Variants in AKIRIN2 observed in about 807,000 individuals in gnomAD.
The protein encoded by AKIRIN2 is akirin-2.
Under a neutral mutation model 29.3 loss-of-function variants are expected in AKIRIN2, and 6 were observed. The observed-to-expected ratio is 0.20, with a 90% confidence interval of 0.11 to 0.40. The LOEUF (loss-of-function observed/expected upper bound fraction) is 0.40, where lower values mean the gene tolerates loss of function less well. Among genes scored for constraint, AKIRIN2 ranks in the 10% least tolerant of loss-of-function variants. AKIRIN2 has a pLI of 1.00. For missense variants in AKIRIN2, 210 were observed against 276.1 expected (o/e 0.76, Z 1.70); for synonymous variants, 128 against 117.5 (o/e 1.09, Z -0.58).
rs1771465518 is a variant in AKIRIN2 at position 87,701,528 on chromosome 6, CGGA to C, written c.154_156del (p.Ser52del). On this transcript the variant is annotated inframe_deletion, in exon 1 of 5. Coordinates refer to ENST00000257787, the MANE Select transcript of AKIRIN2 (RefSeq NM_018064.4). ...TACTTCTGCGGCGAGGCGGCCGCAGCGGAGAAGGAGGCGGCGGTGGCCGCGGCC... is the reference window on the plus strand; with the variant it reads ...TACTTCTGCGGCGAGGCGGCCGCAGCGAAGGAGGCGGCGGTGGCCGCGGCC... The C allele has an allele frequency of 6.9e-7, 1 of 1,442,726 alleles. No individual in the cohort carries two copies. The highest frequency in any genetic ancestry group is 9.1e-7 in the Non-Finnish European group (1 of 1,098,368). The allele number at this position is 1,442,726 out of a possible 1,614,324, so 89.4% of individuals were successfully genotyped here.
chr6:87,702,012 C>A lies in AKIRIN2; in HGVS notation c.-328G>T. ...GCTCCGGCCGCCCCCGCCGTCCGCTCGAGCTTTGCGCCGCGCCTGAGGCGC... is the reference window on the plus strand; with the variant it reads ...GCTCCGGCCGCCCCCGCCGTCCGCTAGAGCTTTGCGCCGCGCCTGAGGCGC... On this transcript the variant is annotated 5_prime_UTR_variant, in exon 1 of 5. Transcript: ENST00000257787. The A allele has an allele frequency of 2.5e-6, 1 of 404,194 alleles. No individual in the cohort carries two copies. The highest frequency in any genetic ancestry group is 4.4e-6 in the Non-Finnish European group (1 of 229,318). 25.0% of individuals were successfully genotyped at this position (404,194 alleles called of 1,614,324 possible). A position where few individuals can be genotyped will look rare whatever the true frequency, so the allele number is the denominator to read the frequency against.
intron 3 of AKIRIN2, among the ~76,000 whole-genome samples, chr6:87,676,494 C>T: frequency 6.9e-6 from 1 of 145,852 alleles, no homozygotes; most frequent in Non-Finnish European, 1.5e-5. Context: ...CGGTGGCTCA[C>T]AGCTGTAATC....
chr6:87,675,903 C>T lies in AKIRIN2; in HGVS notation c.558G>A (p.Thr186=), dbSNP rs369857489. 217 of 1,613,424 alleles carry T rather than the reference C, an allele frequency of 1.3e-4. 1 individual carries two copies. The highest frequency in any genetic ancestry group is 2.0e-4 in the Admixed American group (12 of 59,898). The change falls in exon 4 of 5, where the codon ACG becomes ACA. Residue 186 remains threonine, a synonymous_variant. Coordinates refer to ENST00000257787, the MANE Select transcript of AKIRIN2 (RefSeq NM_018064.4). Reference sequence around the variant, plus strand: ...CATATCGTCGCATTATTTGATCATGCGTAAACTTCACAAACGCATCATATT... The same window carrying T: ...CATATCGTCGCATTATTTGATCATGTGTAAACTTCACAAACGCATCATATT... ...AEQYDAFVKF[T]HDQIMRRYGE...
At chr6:87,691,648 C>G (rs962013858) in intron 1 of AKIRIN2, among the ~76,000 whole-genome samples, 1 of 151,974 alleles carries the variant, frequency 6.6e-6, no homozygotes, top group Non-Finnish European at 1.5e-5. Flanking sequence ...GTTTAATGCC[C>G]AGGTAAAGAG....
At chr6:87,685,093 C>T (rs1771167615) in intron 1 of AKIRIN2, among the ~76,000 whole-genome samples, 1 of 152,166 alleles carries the variant, frequency 6.6e-6, no homozygotes, top group African/African-American at 2.4e-5. Context: ...TTGCTTTTTA[C>T]ATCTAATATG....
intron 1 of AKIRIN2, among the ~76,000 whole-genome samples, chr6:87,683,748 G>C (rs1224231413): frequency 1.3e-5 from 2 of 152,118 alleles, no homozygotes; most frequent in African/African-American, 4.8e-5. Flanking sequence ...CCATCTCCCA[G>C]GTTCAAGCAA....
chr6:87,676,528 G>C (rs562213758), intron 3 of AKIRIN2, among the ~76,000 whole-genome samples: 1 of 150,228 alleles, frequency 6.7e-6, no homozygotes, highest in African/African-American at 2.5e-5. Context: ...ACGCCGAGGC[G>C]GGCACATCAT....
In AKIRIN2 at chr6:87,702,178, C is replaced by T; in HGVS notation, c.-494G>A. On this transcript the variant is annotated 5_prime_UTR_variant, in exon 1 of 5. Transcript: ENST00000257787. ...TGCAGAGAGATTGCGAGGTAGCTGCCGCAGCAGGAACCCAAGCGAACACGT... is the reference window on the plus strand; with the variant it reads ...TGCAGAGAGATTGCGAGGTAGCTGCTGCAGCAGGAACCCAAGCGAACACGT... 2 of 398,304 alleles carry T rather than the reference C, an allele frequency of 5.0e-6. No homozygotes were observed. Among genetic ancestry groups the T allele is most frequent in the East Asian group, 7.1e-5 (2 of 28,060 alleles). 24.7% of individuals were successfully genotyped at this position (398,304 alleles called of 1,614,324 possible).
chr6:87,682,969 C>A (rs1438221427), intron 1 of AKIRIN2, among the ~76,000 whole-genome samples: 1 of 152,044 alleles, frequency 6.6e-6, no homozygotes, highest in Non-Finnish European at 1.5e-5. Flanking sequence ...TACAATAATT[C>A]TTTTTAAAAT....
At chr6:87,688,807 A>C (rs1171682279) in intron 1 of AKIRIN2, among the ~76,000 whole-genome samples, 1 of 152,170 alleles carries the variant, frequency 6.6e-6, no homozygotes, top group Non-Finnish European at 1.5e-5. Context: ...ACTGCCCCAA[A>C]TCCAAAACCC....
chr6:87,700,771 A>C (rs1410261835), intron 1 of AKIRIN2: 1 of 154,662 alleles, frequency 6.5e-6, no homozygotes. Flanking sequence ...AAAGTTCAAC[A>C]TTTCTCAAGG....
At chr6:87,686,017 C>G (rs1315929429) in intron 1 of AKIRIN2, among the ~76,000 whole-genome samples, 1 of 151,990 alleles carries the variant, frequency 6.6e-6, no homozygotes, top group East Asian at 1.9e-4. Context: ...GAGTTTGAGA[C>G]CAGCCAGGCC....
rs193183154 is a variant in AKIRIN2, at chr6:87,702,209, C to G, written c.-525G>C. The G allele has an allele frequency of 5.0e-6, 2 of 397,702 alleles. No homozygotes were observed. The highest frequency in any genetic ancestry group is 2.7e-4 in the South Asian group (2 of 7,394). The allele number at this position is 397,702 out of a possible 1,614,324, so 24.6% of individuals were successfully genotyped here. ...AGGAACCCAAGCGAACACGTCCAAC[C>G]GCTTCCCCTCCCTCGTAGAACTCTC... On this transcript the variant is annotated 5_prime_UTR_variant, in exon 1 of 5. Coordinates refer to ENST00000257787, the MANE Select transcript of AKIRIN2 (RefSeq NM_018064.4).
intron 1 of AKIRIN2, among the ~76,000 whole-genome samples, chr6:87,683,701 T>A (rs1771149114): frequency 6.6e-6 from 1 of 152,328 alleles, no homozygotes; most frequent in South Asian, 2.1e-4. Flanking sequence ...TCACCCAGAC[T>A]GGAGTGCAGT....
chr6:87,694,770 T>C (rs1771331702), intron 1 of AKIRIN2, among the ~76,000 whole-genome samples: 1 of 152,226 alleles, frequency 6.6e-6, no homozygotes, highest in Non-Finnish European at 1.5e-5. Context: ...GCTGCTTTCT[T>C]AGTGCTAGAA....
Position 87,675,515 on chromosome 6 carries a change from G to A in AKIRIN2, c.*82C>T. ...AACCTGTATTCACAGAAGGGGTATTGGCATTGCTGCATGTCATAATTGGGA... is the reference window on the plus strand; with the variant it reads ...AACCTGTATTCACAGAAGGGGTATTAGCATTGCTGCATGTCATAATTGGGA... On this transcript the variant is annotated 3_prime_UTR_variant, in exon 5 of 5. Transcript: ENST00000257787. 6.5e-7 allele frequency: 1 copy of A among 1,547,632 alleles called. No individual in the cohort carries two copies. Among genetic ancestry groups the A allele is most frequent in the Non-Finnish European group, 8.9e-7 (1 of 1,120,256 alleles).
chr6:87,692,400 G>A (rs1160323200), intron 1 of AKIRIN2, among the ~76,000 whole-genome samples: 1 of 152,182 alleles, frequency 6.6e-6, no homozygotes, highest in Non-Finnish European at 1.5e-5. Context: ...AATGTCACAC[G>A]GCTTGAACAT....
rs995785148 is a variant in AKIRIN2 at position 87,676,319 on chromosome 6, G to T, written c.530-388C>A. Among the ~76,000 whole-genome samples the T allele has an allele frequency of 3.2e-4, 48 of 148,860 alleles. 1 individual carries two copies. The highest frequency in any genetic ancestry group is 1.2e-3 in the African/African-American group (48 of 40,294). On this transcript the variant is annotated intron_variant, in intron 3 of 4. Coordinates refer to ENST00000257787, the MANE Select transcript of AKIRIN2 (RefSeq NM_018064.4). Reference sequence around the variant, plus strand: ...CTCTACTAAAAATACAAAAAAATTAGCTGGGCATGGTGGCAGGCCGCCTGT... The same window carrying T: ...CTCTACTAAAAATACAAAAAAATTATCTGGGCATGGTGGCAGGCCGCCTGT...
At chr6:87,678,101 C>T (rs1771054499) in intron 2 of AKIRIN2, 134 bp from the exon 3 acceptor site, 2 of 807,018 alleles carry the variant, frequency 2.5e-6, no homozygotes, top group African/African-American at 1.8e-5. Flanking sequence ...TTAAGCACAG[C>T]ATTTCACAAG....
Sources: allele counts gnomAD v4.1 joint callset (sites outside exome capture counted in the v4.1 genomes callset), GRCh38; gene constraint gnomAD v4.1.1; transcripts MANE v1.5; gene names NCBI Gene and HGNC (gene_info 2026-07-23, HGNC 2026-07-21).